Variants in MOCOS observed in about 807,000 individuals in gnomAD.
MOCOS encodes molybdenum cofactor sulfurase.
MOCOS carries 86 observed loss-of-function variants against 83.6 expected under a neutral mutation model. The observed-to-expected ratio is 1.03, with a 90% CI of 0.86 to 1.23. The LOEUF (loss-of-function observed/expected upper bound fraction) is 1.23, where lower values mean the gene tolerates loss of function less well. Among genes scored for constraint, MOCOS ranks in the 50% most tolerant of loss-of-function variants. The pLI is 0.00. For missense variants in MOCOS, 1,120 were observed against 1,126.9 expected (o/e 0.99, Z 0.09); for synonymous variants, 445 against 434.7 (o/e 1.02, Z -0.29).
At chr18:36,201,797 C>T (rs1000834105) in intron 4 of MOCOS, among the ~76,000 whole-genome samples, 1 of 151,866 alleles carries the variant, frequency 6.6e-6, no homozygotes, top group Non-Finnish European at 1.5e-5. Context: ...AGTTGGGGGG[C>T]TTCTAAAACA....
At chr18:36,245,915 T>C (rs1318375482) in intron 9 of MOCOS, among the ~76,000 whole-genome samples, 1 of 152,196 alleles carries the variant, frequency 6.6e-6, no homozygotes, top group Non-Finnish European at 1.5e-5. Context: ...TCAATACTAT[T>C]GCTGAAACTT....
chr18:36,241,226 T>G (rs2091581486), intron 9 of MOCOS, among the ~76,000 whole-genome samples: 1 of 152,222 alleles, frequency 6.6e-6, no homozygotes, highest in Non-Finnish European at 1.5e-5. Context: ...AAGTCTCATC[T>G]GAGACAAGGC....
intron 9 of MOCOS, among the ~76,000 whole-genome samples, chr18:36,226,621 C>T (rs1474818411): frequency 6.6e-6 from 1 of 151,564 alleles, no homozygotes; most frequent in Non-Finnish European, 1.5e-5. Flanking sequence ...TGTCTTTTCA[C>T]CTCTTGCTGT....
At chr18:36,231,304 T>A (rs1360602578) in intron 9 of MOCOS, among the ~76,000 whole-genome samples, 1 of 152,212 alleles carries the variant, frequency 6.6e-6, no homozygotes, top group Non-Finnish European at 1.5e-5. Context: ...AATACATTGC[T>A]GGGTTTGGTT....
At chr18:36,237,703 A>G (rs906452036) in intron 9 of MOCOS, among the ~76,000 whole-genome samples, 1 of 152,100 alleles carries the variant, frequency 6.6e-6, no homozygotes, top group Non-Finnish European at 1.5e-5. Flanking sequence ...TTTCAGAAGT[A>G]ATGGTACCAG....
At chr18:36,188,704 C>T (rs936754413) in intron 1 of MOCOS, among the ~76,000 whole-genome samples, 1 of 151,764 alleles carries the variant, frequency 6.6e-6, no homozygotes, top group South Asian at 2.1e-4. Context: ...TTCAGCGCTT[C>T]GGGTCACTTC....
chr18:36,240,290 T>A (rs2091576169), intron 9 of MOCOS, among the ~76,000 whole-genome samples: 1 of 119,048 alleles, frequency 8.4e-6, no homozygotes, highest in Non-Finnish European at 1.7e-5. Flanking sequence ...TCTTTGATGA[T>A]GGTGATGTAC....
chr18:36,212,144 T>G (rs1392175411), intron 6 of MOCOS, among the ~76,000 whole-genome samples: 1 of 152,186 alleles, frequency 6.6e-6, no homozygotes, highest in Non-Finnish European at 1.5e-5. Context: ...GATGCCAAAC[T>G]ACTCCCAGAC....
At position 36,236,466 on chromosome 18, in the gene MOCOS, G is replaced by C. The variant is rs1471946870; in HGVS notation, c.1961-12456G>C. Among the ~76,000 whole-genome samples, 147 of 104,408 alleles carry C rather than the reference G, an allele frequency of 1.4e-3. 1 individual carries two copies. The highest frequency in any genetic ancestry group is 1.7e-3 in the Non-Finnish European group (85 of 50,708). 68.5% of individuals were successfully genotyped at this position (104,408 alleles called of 152,430 possible). A position where few individuals can be genotyped will look rare whatever the true frequency, so the allele number is the denominator to read the frequency against. The stretch of plus-strand genomic sequence containing the variant: ...TAGATATGTGGCGTTATTTCTGAGG[G>C]CTCTGTTCTGTTCCATTGATCTATA... On this transcript the variant is annotated intron_variant, in intron 9 of 14. Transcript: ENST00000261326.
chr18:36,197,972 C>T lies in MOCOS; in HGVS notation c.233-718C>T, dbSNP rs2091396311. On this transcript the variant is annotated intron_variant, in intron 2 of 14. Coordinates refer to ENST00000261326, the MANE Select transcript of MOCOS (RefSeq NM_017947.4). ...TTTCTGTATCTCTACAATTCTTTTG[C>T]TGGACATTTAATGTAAATTGATTCA... 2.0e-5 allele frequency among the ~76,000 whole-genome samples: 3 copies of T among 152,194 alleles called. No homozygotes were observed. The South Asian group carries it at 6.2e-4, about 31-fold the overall frequency.
At chr18:36,249,134 TTCTC>T (rs1415290240) in intron 10 of MOCOS, 134 bp downstream of exon 10, 7 of 764,690 alleles carry the variant, frequency 9.2e-6, no homozygotes, top group Admixed American at 4.0e-5. Context: ...CCTTGCATGC[TTCTC>T]TCTAACCACA....
intron 6 of MOCOS, among the ~76,000 whole-genome samples, chr18:36,207,439 T>TA: frequency 6.6e-6 from 1 of 152,380 alleles, no homozygotes; most frequent in Non-Finnish European, 1.5e-5. Context: ...TGTTTTTTTT[T>TA]ATCCACAACC....
At chr18:36,267,709 C>T (rs1257000339) in intron 14 of MOCOS, among the ~76,000 whole-genome samples, 1 of 152,178 alleles carries the variant, frequency 6.6e-6, no homozygotes, top group Non-Finnish European at 1.5e-5. Context: ...GAGCCTGCAC[C>T]ATGCAGGTTG....
At chr18:36,247,716 C>T (rs1185375246) in intron 9 of MOCOS, among the ~76,000 whole-genome samples, 1 of 148,516 alleles carries the variant, frequency 6.7e-6, no homozygotes, top group Non-Finnish European at 1.5e-5. Flanking sequence ...ACCAACTTCT[C>T]ACCTTCTCAC....
At position 36,215,934 on chromosome 18, in the gene MOCOS, C is replaced by A; in HGVS notation, c.1754C>A (p.Thr585Asn). Residue 585 changes from threonine (T) to asparagine (N), a missense_variant, in exon 8 of 15, where the codon ACT becomes AAT. Physicochemically the swap from Thr to Asn is moderately conservative, Grantham distance 65 (BLOSUM62 0). Transcript: ENST00000261326. ...GGGGCCCTTGGGCCACATGTTGTCACTAACCTTTATCTCTATCCAATCAAA... is the reference window on the plus strand; with the variant it reads ...GGGGCCCTTGGGCCACATGTTGTCAATAACCTTTATCTCTATCCAATCAAA... ...LEGALGPHVV[T>N]NLYLYPIKSC... The A allele has an allele frequency of 6.2e-7, 1 of 1,613,818 alleles. No individual in the cohort carries two copies. Among genetic ancestry groups the A allele is most frequent in the Non-Finnish European group, 8.5e-7 (1 of 1,179,844 alleles).
chr18:36,242,042 TG>T (rs2091585784), intron 9 of MOCOS, among the ~76,000 whole-genome samples: 1 of 152,244 alleles, frequency 6.6e-6, no homozygotes, highest in Non-Finnish European at 1.5e-5. Flanking sequence ...ATCTCTGACA[TG>T]CCCTGGAGAC....
intron 1 of MOCOS, among the ~76,000 whole-genome samples, chr18:36,188,921 TC>T (rs1237175485): frequency 3.9e-4 from 42 of 108,464 alleles, no homozygotes; most frequent in Non-Finnish European, 6.8e-4. Flanking sequence ...TCGTATTCTC[TC>T]TCTCTCTCTC....
chr18:36,241,978 G>C (rs1343372499), intron 9 of MOCOS, among the ~76,000 whole-genome samples: 1 of 152,238 alleles, frequency 6.6e-6, no homozygotes, highest in Non-Finnish European at 1.5e-5. Context: ...GACCCGCGAA[G>C]CCATTTTTTT....
At chr18:36,188,590 G>A (rs2091351794) in intron 1 of MOCOS, among the ~76,000 whole-genome samples, 1 of 152,226 alleles carries the variant, frequency 6.6e-6, no homozygotes, top group Non-Finnish European at 1.5e-5. Flanking sequence ...AGGGCACCGG[G>A]GTTTGAGTGT....
Sources: gnomAD v4.1 joint callset for allele counts (sites outside exome capture counted in the v4.1 genomes callset) on GRCh38, gnomAD v4.1.1 for gene constraint, MANE v1.5 for transcripts, NCBI Gene and HGNC (gene_info 2026-07-23, HGNC 2026-07-21) for gene names.